SERINC5: variants seen among roughly 807,000 people sequenced by gnomAD.
SERINC5 encodes chromosome 5 open reading frame 12.
SERINC5 carries 41 observed loss-of-function variants against 63.1 expected under a neutral mutation model. That is an observed-to-expected ratio of 0.65 (90% CI 0.51 to 0.84). The LOEUF (loss-of-function observed/expected upper bound fraction) is 0.84, where lower values mean the gene tolerates loss of function less well. Among genes scored for constraint, SERINC5 ranks in the 40% least tolerant of loss-of-function variants. SERINC5 has a pLI of 0.00. For synonymous variants in SERINC5, 222 were observed against 215.2 expected (o/e 1.03, Z -0.28); for missense variants, 523 against 573.0 (o/e 0.91, Z 0.89).
chr5:80,217,186 T>TAA (rs60482344), intron 1 of SERINC5, among the ~76,000 whole-genome samples: 28,278 of 151,910 alleles, frequency 0.19, 3,290 homozygotes, highest in African/African-American at 0.33. Flanking sequence ...ATTTATAAAA[T>TAA]AGTTAATTTT....
Position 80,140,168 on chromosome 5 carries a change from A to T in SERINC5, c.*3495T>A. 1 of 762,860 alleles carries T rather than the reference A, an allele frequency of 1.3e-6. No individual in the cohort carries two copies. The highest frequency in any genetic ancestry group is 1.6e-6 in the Non-Finnish European group (1 of 627,452). The allele number at this position is 762,860 out of a possible 1,614,324, so 47.3% of individuals were successfully genotyped here. The stretch of plus-strand genomic sequence containing the variant: ...AACCCCATCTCTACAAAAAAATAAA[A>T]ATCGGCCAGGTGTGATGGGGCAAAC... On this transcript the variant is annotated 3_prime_UTR_variant, in exon 12 of 12. Coordinates refer to ENST00000507668, the MANE Select transcript of SERINC5 (RefSeq NM_001174072.3).
At chr5:80,157,343 A>G (rs767298398) in intron 8 of SERINC5, 1 of 151,514 alleles carries the variant, frequency 6.6e-6, no homozygotes, top group South Asian at 2.1e-4. Context: ...CAAAAACATG[A>G]TTTTATTCTA....
intron 2 of SERINC5, among the ~76,000 whole-genome samples, chr5:80,189,113 A>G (rs1047520769): frequency 1.3e-5 from 2 of 152,210 alleles, no homozygotes; most frequent in Non-Finnish European, 2.9e-5. Flanking sequence ...GACAGAAGCT[A>G]AAGTCAGCTT....
intron 2 of SERINC5, among the ~76,000 whole-genome samples, chr5:80,202,449 CAG>C (rs1264068602): frequency 5.9e-5 from 9 of 152,032 alleles, no homozygotes; most frequent in Admixed American, 4.6e-4. Context: ...AATGGAGACT[CAG>C]GGGCTGTGGG....
At chr5:80,247,633 A>G (rs1200100032) in intron 1 of SERINC5, among the ~76,000 whole-genome samples, 1 of 152,188 alleles carries the variant, frequency 6.6e-6, no homozygotes, top group Admixed American at 6.5e-5. Context: ...TGTTCAAGGT[A>G]AGTGACAGAG....
intron 1 of SERINC5, among the ~76,000 whole-genome samples, chr5:80,220,139 C>T (rs1238518315): frequency 6.6e-6 from 1 of 151,734 alleles, no homozygotes; most frequent in African/African-American, 2.4e-5. Flanking sequence ...AACTCAGAGG[C>T]GGAGGTTGCA....
intron 1 of SERINC5, among the ~76,000 whole-genome samples, chr5:80,212,936 T>C (rs746106933): frequency 6.6e-6 from 1 of 152,138 alleles, no homozygotes; most frequent in African/African-American, 2.4e-5. Context: ...AAAGAATACA[T>C]GGCAACCCAT....
intron 3 of SERINC5, 130 bp from the exon 4 acceptor site, chr5:80,177,527 G>C (rs1748116121): frequency 1.4e-6 from 1 of 728,272 alleles, no homozygotes; most frequent in Admixed American, 2.7e-5. Flanking sequence ...CTAATCAAGG[G>C]GAAGTAACTA....
chr5:80,245,810 T>G (rs1752142709), intron 1 of SERINC5, among the ~76,000 whole-genome samples: 1 of 151,678 alleles, frequency 6.6e-6, no homozygotes, highest in Non-Finnish European at 1.5e-5. Context: ...AGACGGGGCT[T>G]CACCATGTTG....
At chr5:80,128,737 G>T (rs1287410297) in intron 11 of SERINC5, among the ~76,000 whole-genome samples, 7 of 152,224 alleles carry the variant, frequency 4.6e-5, no homozygotes, top group Non-Finnish European at 8.8e-5. Flanking sequence ...CACACATTAA[G>T]TGTTCAATAA....
At chr5:80,148,193 T>TTTTTTTA (rs1745948056) in intron 9 of SERINC5, among the ~76,000 whole-genome samples, 1 of 145,890 alleles carries the variant, frequency 6.9e-6, no homozygotes, top group South Asian at 2.2e-4. Context: ...TTTATTCTTT[T>TTTTTTTA]TTTTTTTTTT....
Position 80,143,632 on chromosome 5 carries a change from G to A in SERINC5, c.*31C>T. 6.5e-7 allele frequency: 1 copy of A among 1,532,028 alleles called. No homozygotes were observed. Among genetic ancestry groups the A allele is most frequent in the South Asian group, 1.2e-5 (1 of 83,916 alleles). 94.9% of individuals were successfully genotyped at this position (1,532,028 alleles called of 1,614,324 possible). On this transcript the variant is annotated 3_prime_UTR_variant, in exon 12 of 12. Transcript: ENST00000507668. Reference sequence around the variant, plus strand: ...AAAGATGGCACTTTCCAGGCTGTAGGCCCACAAAGCCCAGGGGACCGCCGA... The same window carrying A: ...AAAGATGGCACTTTCCAGGCTGTAGACCCACAAAGCCCAGGGGACCGCCGA...
chr5:80,176,119 C>T (rs1748018707), intron 4 of SERINC5, among the ~76,000 whole-genome samples: 1 of 152,044 alleles, frequency 6.6e-6, no homozygotes, highest in South Asian at 2.1e-4. Context: ...GCAGAGGCTG[C>T]AGTGAGGCGA....
intron 1 of SERINC5, among the ~76,000 whole-genome samples, chr5:80,214,264 A>T (rs1431687165): frequency 6.6e-6 from 1 of 152,218 alleles, no homozygotes; most frequent in Non-Finnish European, 1.5e-5. Context: ...AACAAAAAAC[A>T]AACTAGAAGG....
downstream of SERINC5, among the ~76,000 whole-genome samples, chr5:80,135,581 GCAGTGCAGTTTAAACAGTTCATAGTGTC>G (rs567126678): frequency 2.9e-3 from 449 of 152,278 alleles, 6 homozygotes; most frequent in African/African-American, 0.01. Context: ...AATAAGGTTT[GCAGTGCAGTTTAAACAGTTCATAGTGTC>G]CAGTGCTTCT....
intron 10 of SERINC5, 62 bp downstream of exon 10, chr5:80,147,183 C>T: frequency 6.9e-7 from 1 of 1,445,100 alleles, no homozygotes; most frequent in Non-Finnish European, 9.5e-7. Context: ...CAAATGACTA[C>T]AGATTAGAGT....
At chr5:80,239,372 G>T in intron 1 of SERINC5, among the ~76,000 whole-genome samples, 1 of 151,194 alleles carries the variant, frequency 6.6e-6, no homozygotes, top group African/African-American at 2.4e-5. Flanking sequence ...CTGATATTTT[G>T]GCTTCTTAGT....
intron 1 of SERINC5, among the ~76,000 whole-genome samples, chr5:80,235,217 C>T (rs1046885908): frequency 3.9e-5 from 6 of 152,170 alleles, no homozygotes; most frequent in African/African-American, 1.4e-4. Flanking sequence ...TTTTATTTCA[C>T]TTAGCATAAT....
intron 11 of SERINC5, among the ~76,000 whole-genome samples, chr5:80,122,251 C>G (rs746728500): frequency 1.4e-5 from 2 of 145,914 alleles, no homozygotes; most frequent in Non-Finnish European, 3.0e-5. Context: ...ACGATCACAA[C>G]GTCCCACAAT....
Sources: gnomAD v4.1 joint callset for allele counts (sites outside exome capture counted in the v4.1 genomes callset) on GRCh38, gnomAD v4.1.1 for gene constraint, MANE v1.5 for transcripts, NCBI Gene and HGNC (gene_info 2026-07-23, HGNC 2026-07-21) for gene names.